ELFN2: variants seen among roughly 807,000 people sequenced by gnomAD.
ELFN2 encodes the protein extracellular leucine rich repeat and fibronectin type III domain containing 2.
Under a neutral mutation model 45.5 loss-of-function variants are expected in ELFN2, and 17 were observed. The observed-to-expected ratio is 0.37, with a 90% confidence interval of 0.26 to 0.56. The LOEUF (loss-of-function observed/expected upper bound fraction) is 0.56, where lower values mean the gene tolerates loss of function less well. ELFN2 is among the 20% of genes least tolerant of loss of function. ELFN2 has a pLI of 0.77. For synonymous variants in ELFN2, 550 were observed against 551.5 expected (o/e 1.00, Z 0.04); for missense variants, 922 against 1,183.2 (o/e 0.78, Z 3.24).
chr22:37,399,143 C>G (rs745597882), intron 2 of ELFN2, among the ~76,000 whole-genome samples: 6 of 152,124 alleles, frequency 3.9e-5, no homozygotes, highest in Non-Finnish European at 8.8e-5. Flanking sequence ...TCTCTGAACT[C>G]GGAGAGGCTT....
At chr22:37,390,050 G>C (rs919815640) in intron 2 of ELFN2, among the ~76,000 whole-genome samples, 16 of 152,176 alleles carry the variant, frequency 1.1e-4, no homozygotes, top group African/African-American at 3.1e-4. Flanking sequence ...AGACTTAGAT[G>C]AGTCCGAATT....
In ELFN2 at chr22:37,406,790, G is replaced by T. The variant is rs558343691; in HGVS notation, c.-463+10979C>A. On this transcript the variant is annotated intron_variant, in intron 2 of 2. Transcript: ENST00000402918. Reference sequence around the variant, plus strand: ...CTAAAGCCTGAGAGCCCAGCAATGGGAGGGTGGTGGTGCAGGGGGACAGGG... The same window carrying T: ...CTAAAGCCTGAGAGCCCAGCAATGGTAGGGTGGTGGTGCAGGGGGACAGGG... Among the ~76,000 whole-genome samples, 4 of 152,380 alleles carry T rather than the reference G, an allele frequency of 2.6e-5. No homozygotes were observed. The South Asian group carries it at 8.3e-4, about 32-fold the overall frequency.
intron 2 of ELFN2, among the ~76,000 whole-genome samples, chr22:37,381,345 G>A (rs1931759006): frequency 6.6e-6 from 1 of 152,086 alleles, no homozygotes; most frequent in East Asian, 1.9e-4. Flanking sequence ...GTGCAAGGGG[G>A]AGTTGTCCAC....
intron 1 of ELFN2, among the ~76,000 whole-genome samples, chr22:37,350,533 CCT>C (rs1194847274): frequency 6.6e-6 from 1 of 150,576 alleles, no homozygotes; most frequent in Non-Finnish European, 1.5e-5. Flanking sequence ...GGCCCTATCC[CCT>C]CTTTCCCTGC....
chr22:37,392,608 G>A (rs1005193871), intron 2 of ELFN2, among the ~76,000 whole-genome samples: 12 of 152,138 alleles, frequency 7.9e-5, no homozygotes, highest in South Asian at 2.1e-4. Flanking sequence ...GTAAGCCACC[G>A]CGCCCGGCCA....
At chr22:37,406,295 G>T (rs1932498724) in intron 2 of ELFN2, among the ~76,000 whole-genome samples, 1 of 152,232 alleles carries the variant, frequency 6.6e-6, no homozygotes, top group African/African-American at 2.4e-5. Context: ...GTTACGATCG[G>T]TGATTGGATA....
chr22:37,352,712 G>A (rs1256498042), intron 1 of ELFN2, among the ~76,000 whole-genome samples: 1 of 150,906 alleles, frequency 6.6e-6, no homozygotes, highest in Non-Finnish European at 1.5e-5. Context: ...TGTGGCCAGT[G>A]TGGCTGGGGC....
chr22:37,387,067 G>A (rs1350184167), intron 2 of ELFN2, among the ~76,000 whole-genome samples: 1 of 152,188 alleles, frequency 6.6e-6, no homozygotes, highest in Non-Finnish European at 1.5e-5. Flanking sequence ...CGTGGCACAC[G>A]CCAGGCAGGC....
intron 2 of ELFN2, among the ~76,000 whole-genome samples, chr22:37,394,149 C>T (rs1037353250): frequency 1.3e-5 from 2 of 152,162 alleles, no homozygotes; most frequent in African/African-American, 4.8e-5. Context: ...GCCTCAGTCT[C>T]ATCATCCAAA....
intron 2 of ELFN2, among the ~76,000 whole-genome samples, chr22:37,388,782 G>C (rs1189157282): frequency 1.3e-5 from 2 of 152,216 alleles, no homozygotes; most frequent in Non-Finnish European, 2.9e-5. Context: ...AAGTGGGAAG[G>C]AGCCCCGCCT....
chr22:37,352,102 C>G (rs892602316), intron 1 of ELFN2: 3 of 151,112 alleles, frequency 2.0e-5, no homozygotes, highest in East Asian at 1.9e-4. Flanking sequence ...AAGGTACACG[C>G]TCCTCACTCC....
chr22:37,364,035 G>C (rs750890460), downstream of ELFN2, among the ~76,000 whole-genome samples: 2 of 152,222 alleles, frequency 1.3e-5, no homozygotes, highest in Non-Finnish European at 2.9e-5. Flanking sequence ...CTGCAGATGG[G>C]ACCTGCAATC....
chr22:37,385,071 C>G (rs1304673109), intron 2 of ELFN2: 2 of 152,280 alleles, frequency 1.3e-5, no homozygotes, highest in Non-Finnish European at 2.9e-5. Context: ...AGGGCTGTCC[C>G]AAGACAGGGG....
chr22:37,364,410 C>A (rs533038154), downstream of ELFN2, among the ~76,000 whole-genome samples: 3 of 152,302 alleles, frequency 2.0e-5, no homozygotes, highest in South Asian at 6.2e-4. Context: ...ACTGGCCTGG[C>A]CACAGCCCCA....
At chr22:37,403,307 A>G (rs78860874) in intron 2 of ELFN2, among the ~76,000 whole-genome samples, 3,062 of 151,964 alleles carry the variant, frequency 0.02, 121 homozygotes, top group African/African-American at 0.071. Flanking sequence ...CAGCTCCTAG[A>G]CATCCCTACC....
At chr22:37,366,846 C>G (rs910239613), downstream of ELFN2, among the ~76,000 whole-genome samples, 1 of 152,208 alleles carries the variant, frequency 6.6e-6, no homozygotes, top group African/African-American at 2.4e-5. Context: ...TGTGAGGGCA[C>G]GTGGAAGGGA....
intron 1 of ELFN2, among the ~76,000 whole-genome samples, chr22:37,426,360 A>G (rs887122903): frequency 4.0e-5 from 6 of 151,692 alleles, no homozygotes; most frequent in Non-Finnish European, 7.4e-5. Context: ...GCGCGCGCAC[A>G]CACACACACA....
intron 1 of ELFN2, among the ~76,000 whole-genome samples, chr22:37,424,682 G>C (rs936005293): frequency 1.2e-5 from 1 of 81,574 alleles, no homozygotes; most frequent in African/African-American, 3.5e-5. Flanking sequence ...GAGGGCGGCG[G>C]GGGGGGGGAT....
intron 2 of ELFN2, among the ~76,000 whole-genome samples, chr22:37,379,209 G>T (rs981115487): frequency 2.0e-5 from 3 of 152,166 alleles, no homozygotes; most frequent in Non-Finnish European, 4.4e-5. Flanking sequence ...GATGATAGAT[G>T]GGGGGCGCAG....
Sources: allele counts gnomAD v4.1 joint callset (sites outside exome capture counted in the v4.1 genomes callset), GRCh38; gene constraint gnomAD v4.1.1; transcripts MANE v1.5; gene names NCBI Gene and HGNC (gene_info 2026-07-23, HGNC 2026-07-21).